The following SNU13 variants were observed in gnomAD, a reference collection of about 807,000 sequenced individuals.
SNU13 encodes the protein small nuclear ribonucleoprotein 13.
SNU13 carries 2 observed loss-of-function variants against 12.4 expected under a neutral mutation model. The observed-to-expected ratio is 0.16, with a 90% confidence interval of 0.07 to 0.51. The LOEUF (loss-of-function observed/expected upper bound fraction) is 0.51, where lower values mean the gene tolerates loss of function less well. Among genes scored for constraint, SNU13 ranks in the 20% least tolerant of loss-of-function variants. The probability of loss-of-function intolerance (pLI) is 0.96; values close to 1 mark genes in which losing one functional copy is unlikely to be tolerated. For synonymous variants in SNU13, 68 were observed against 66.5 expected (o/e 1.02, Z -0.11); for missense variants, 66 against 157.8 (o/e 0.42, Z 3.12).
intron 2 of SNU13, among the ~76,000 whole-genome samples, chr22:41,676,806 C>T (rs1244712601): frequency 6.6e-6 from 1 of 152,170 alleles, no homozygotes. Context: ...TCTTTTCTCT[C>T]GCTTTGCCGT....
At chr22:41,685,281 T>C (rs994092995) in intron 1 of SNU13, among the ~76,000 whole-genome samples, 1 of 151,916 alleles carries the variant, frequency 6.6e-6, no homozygotes, top group Non-Finnish European at 1.5e-5. Flanking sequence ...GCTCAAGCGA[T>C]CCTCCTGCCT....
Position 41,674,760 on chromosome 22 carries a change from G to T in SNU13, c.*173C>A. ...CAGAGGGAGGGAGGAAAGGAAGGGG[G>T]ATAGCAACCCTGTAAAACAGAACAA... is the stretch of plus-strand genomic sequence containing the variant. On this transcript the variant is annotated 3_prime_UTR_variant, in exon 3 of 3. Transcript: ENST00000401959. 1.2e-6 allele frequency: 1 copy of T among 836,922 alleles called. No homozygotes were observed. The highest frequency in any genetic ancestry group is 1.9e-5 in the South Asian group (1 of 52,960). The allele number at this position is 836,922 out of a possible 1,614,324, so 51.8% of individuals were successfully genotyped here.
At chr22:41,688,901 C>T (rs1193006293), upstream of SNU13, 14 of 1,475,764 alleles carry the variant, frequency 9.5e-6, no homozygotes, top group South Asian at 1.4e-4. Flanking sequence ...GGAAATGGCC[C>T]CGCGCGGCAG....
chr22:41,683,062 G>T (rs1382193836), intron 1 of SNU13, among the ~76,000 whole-genome samples: 1 of 152,010 alleles, frequency 6.6e-6, no homozygotes, highest in East Asian at 1.9e-4. Context: ...TGTAGTGGTG[G>T]CATCTTGGCT....
rs565429986 is a variant in SNU13 at position 41,674,648 on chromosome 22, T to C, written c.*285A>G. On this transcript the variant is annotated 3_prime_UTR_variant, in exon 3 of 3. Coordinates refer to ENST00000401959, the MANE Select transcript of SNU13 (RefSeq NM_001003796.2). ...GGCTCCATCAGCTTTCTCCTGGCTC[T>C]TTCTGCCTTTCAACGGTGCCACCAC... is the stretch of plus-strand genomic sequence containing the variant. 4.2e-5 allele frequency: 16 copies of C among 381,932 alleles called. No individual in the cohort carries two copies. In the Admixed American group the frequency reaches 5.8e-4, roughly 14 times the overall value. The allele number at this position is 381,932 out of a possible 1,614,324, so 23.7% of individuals were successfully genotyped here.
intron 1 of SNU13, chr22:41,682,549 C>T: frequency 6.8e-7 from 1 of 1,470,928 alleles, no homozygotes; most frequent in Non-Finnish European, 9.0e-7. Context: ...TTCTACGTAA[C>T]TCCTTATCTT....
upstream of SNU13, chr22:41,689,088 G>T (rs1165289639): frequency 9.6e-6 from 11 of 1,147,074 alleles, no homozygotes; most frequent in Middle Eastern, 3.6e-4. Context: ...CCGGCCGGCC[G>T]CAGCGGCTTA....
intron 1 of SNU13, among the ~76,000 whole-genome samples, chr22:41,683,685 T>C (rs1342162739): frequency 1.3e-5 from 2 of 152,234 alleles, no homozygotes; most frequent in African/African-American, 2.4e-5. Flanking sequence ...AGATATAATA[T>C]GCATTTGTAA....
At chr22:41,679,611 TGA>T (rs1391654364) in intron 2 of SNU13, 1 of 151,570 alleles carries the variant, frequency 6.6e-6, no homozygotes, top group Non-Finnish European at 1.5e-5. Flanking sequence ...ATGAATAAAG[TGA>T]GAGTATCCTA....
At chr22:41,688,691 G>A (rs377440135) in intron 1 of SNU13, 103 bp downstream of exon 1, 6 of 1,460,416 alleles carry the variant, frequency 4.1e-6, no homozygotes, top group South Asian at 1.3e-5. Flanking sequence ...CAACGCCGGC[G>A]GATGAGACGG....
chr22:41,688,715 C>T (rs1316237053), intron 1 of SNU13, 79 bp downstream of exon 1: 2 of 1,542,152 alleles, frequency 1.3e-6, no homozygotes, highest in African/African-American at 1.4e-5. Flanking sequence ...AGGCTCTAAG[C>T]CTCCATCTAA....
rs751676469 is a variant in SNU13, at chr22:41,680,317, G to A, written c.51C>T (p.His17=). 1.2e-6 allele frequency: 2 copies of A among 1,614,110 alleles called. No individual in the cohort carries two copies. The highest frequency in any genetic ancestry group is 1.7e-6 in the Non-Finnish European group (2 of 1,179,998). Residue 17 remains histidine (H), a synonymous_variant, in exon 2 of 3, where the codon CAC becomes CAT. Transcript: ENST00000401959. ...NPKAYPLADA[H]LTKKLLDLVQ... ...CGAGGTCCAGTAGCTTCTTGGTGAG[G>A]TGGGCATCGGCAAGGGGATAGGCCT...
upstream of SNU13, among the ~76,000 whole-genome samples, chr22:41,690,129 A>G (rs1468417380): frequency 2.0e-5 from 3 of 152,188 alleles, no homozygotes; most frequent in African/African-American, 4.8e-5. Flanking sequence ...TCCCACCAAC[A>G]CTGATCCTAA....
chr22:41,687,199 C>T (rs1278231506), intron 1 of SNU13, among the ~76,000 whole-genome samples: 1 of 151,982 alleles, frequency 6.6e-6, no homozygotes, highest in African/African-American at 2.4e-5. Context: ...CCCCATGATC[C>T]ACCCGCCTCA....
rs557500555 is a variant in SNU13 at position 41,682,449 on chromosome 22, G to A, written c.4-2085C>T. Reference sequence around the variant, plus strand: ...CTGCTGCCCAGCACCGCAAGGACACGGATGCCCCGCCCCCAAGAGCAGGAA... The same window carrying A: ...CTGCTGCCCAGCACCGCAAGGACACAGATGCCCCGCCCCCAAGAGCAGGAA... On this transcript the variant is annotated intron_variant, in intron 1 of 2. Coordinates refer to ENST00000401959, the MANE Select transcript of SNU13 (RefSeq NM_001003796.2). The A allele has an allele frequency of 1.3e-5, 21 of 1,607,308 alleles. No individual in the cohort carries two copies. In the Admixed American group the frequency reaches 2.9e-4, roughly 22 times the overall value.
rs1303488948 is a variant in SNU13, at chr22:41,686,584, G to GGGA, written c.3+2209_3+2210insTCC. Among the ~76,000 whole-genome samples the GGGA allele has an allele frequency of 4.0e-4, 60 of 151,526 alleles. 1 individual carries two copies. The highest frequency in any genetic ancestry group is 2.2e-3 in the Admixed American group (33 of 15,192). ...CAAAGTGCTGGGATTACAGGTGTGA[G>GGGA]CTACCACGTCCGGCCATACAAATGT... On this transcript the variant is annotated intron_variant, in intron 1 of 2. Transcript: ENST00000401959.
chr22:41,684,887 G>A (rs1016274704), intron 1 of SNU13, among the ~76,000 whole-genome samples: 7 of 152,128 alleles, frequency 4.6e-5, no homozygotes, highest in Admixed American at 6.6e-5. Flanking sequence ...AGGCACAGTG[G>A]CTCACACCTA....
upstream of SNU13, chr22:41,689,160 G>A (rs976401132): frequency 6.4e-6 from 6 of 933,934 alleles, no homozygotes; most frequent in Non-Finnish European, 7.8e-6. Flanking sequence ...ACAGGAGTTC[G>A]AGACCAGCCT....
chr22:41,688,811 G>A lies in SNU13; in HGVS notation c.-15C>T. On this transcript the variant is annotated 5_prime_UTR_variant, in exon 1 of 3. Transcript: ENST00000401959. The stretch of plus-strand genomic sequence containing the variant: ...GCACTCACCATGGCTGCGGTTCCGC[G>A]GGCTCAGCACTCCTAGGGGAGCGCA... 2 of 1,600,474 alleles carry A rather than the reference G, an allele frequency of 1.2e-6. No homozygotes were observed. The highest frequency in any genetic ancestry group is 1.7e-6 in the Non-Finnish European group (2 of 1,170,626).
Sources: allele counts gnomAD v4.1 joint callset (sites outside exome capture counted in the v4.1 genomes callset), GRCh38; gene constraint gnomAD v4.1.1; transcripts MANE v1.5; gene names NCBI Gene and HGNC (gene_info 2026-07-23, HGNC 2026-07-21).